The following C11orf97 variants were observed in gnomAD, a reference collection of about 807,000 sequenced individuals.
C11orf97 encodes chromosome 11 open reading frame 97, also known as uncharacterized protein C11orf97.
A neutral mutation model predicts 16.2 loss-of-function variants in C11orf97; 15 were observed. That is an observed-to-expected ratio of 0.93 (90% CI 0.62 to 1.43). The LOEUF (loss-of-function observed/expected upper bound fraction) is 1.43, where lower values mean the gene tolerates loss of function less well. Among genes scored for constraint, C11orf97 ranks in the 40% most tolerant of loss-of-function variants. The pLI is 0.00. For synonymous variants in C11orf97, 61 were observed against 65.7 expected, an observed-to-expected ratio of 0.93 and a Z score of 0.34; for missense variants, 171 against 161.2, an observed-to-expected ratio of 1.06 and a Z score of -0.33.
chr11:94,521,951 G>C (rs1947660894), intron 2 of C11orf97, among the ~76,000 whole-genome samples: 2 of 152,104 alleles, frequency 1.3e-5, no homozygotes, highest in South Asian at 4.1e-4. Flanking sequence ...CTTCAACCTT[G>C]TTCCTTTCTC....
At chr11:94,517,053 A>G (rs1947616392) in intron 1 of C11orf97, among the ~76,000 whole-genome samples, 2 of 152,256 alleles carry the variant, frequency 1.3e-5, no homozygotes, top group African/African-American at 4.8e-5. Flanking sequence ...CATGTCCTAT[A>G]GGTCCAGATT....
intron 1 of C11orf97, among the ~76,000 whole-genome samples, chr11:94,515,852 G>T (rs1042473377): frequency 6.6e-6 from 1 of 152,024 alleles, no homozygotes; most frequent in African/African-American, 2.4e-5. Flanking sequence ...GATTTCTTCT[G>T]TGCATTTTCC....
At chr11:94,521,604 C>T (rs1262627505) in intron 2 of C11orf97, among the ~76,000 whole-genome samples, 1 of 152,172 alleles carries the variant, frequency 6.6e-6, no homozygotes, top group Non-Finnish European at 1.5e-5. Context: ...TCTTTACATA[C>T]TTCTTTATTG....
intron 3 of C11orf97, among the ~76,000 whole-genome samples, 191 bp from the exon 4 acceptor site, chr11:94,531,705 A>G (rs1947740493): frequency 6.6e-6 from 1 of 152,024 alleles, no homozygotes; most frequent in South Asian, 2.1e-4. Flanking sequence ...TCCGGAAACT[A>G]TGCTTCAGTC....
chr11:94,518,149 G>GAAAAAAAA (rs370762855), intron 2 of C11orf97, among the ~76,000 whole-genome samples: 3 of 108,948 alleles, frequency 2.8e-5, no homozygotes, highest in African/African-American at 7.2e-5. Context: ...CTCCATATCA[G>GAAAAAAAA]AAAAAAAAAA....
intron 1 of C11orf97, among the ~76,000 whole-genome samples, chr11:94,517,245 A>G (rs547207): frequency 0.58 from 88,146 of 152,046 alleles, 25,866 homozygotes; most frequent in African/African-American, 0.63. Flanking sequence ...CCAAATGCCT[A>G]TCACAGAGTA....
chr11:94,512,657 A>G lies in C11orf97; in HGVS notation c.129A>G (p.Leu43=). Residue 43 remains leucine, a synonymous_variant, in exon 1 of 4, where the codon CTA becomes CTG. Coordinates refer to ENST00000542198, the MANE Select transcript of C11orf97 (RefSeq NM_001190462.2). ...GARGEPGRGP[L]EHGQQWKKFL... is the part of the protein sequence containing the mutation. ...GCGGGGAACCCGGCCGCGGCCCCCTAGAGCACGGCCAGCAGTGTGAGTTCA... is the reference window on the plus strand; with the variant it reads ...GCGGGGAACCCGGCCGCGGCCCCCTGGAGCACGGCCAGCAGTGTGAGTTCA... 1.6e-6 allele frequency: 2 copies of G among 1,246,380 alleles called. No homozygotes were observed. The highest frequency in any genetic ancestry group is 3.3e-5 in the South Asian group (1 of 30,282). The allele number at this position is 1,246,380 out of a possible 1,614,324, so 77.2% of individuals were successfully genotyped here. A position where few individuals can be genotyped will look rare whatever the true frequency, so the allele number is the denominator to read the frequency against.
In C11orf97 at chr11:94,531,955, C is replaced by A; in HGVS notation, c.*55C>A. The A allele has an allele frequency of 1.5e-6, 2 of 1,377,916 alleles. No homozygotes were observed. The highest frequency in any genetic ancestry group is 1.9e-6 in the Non-Finnish European group (2 of 1,049,282). The allele number at this position is 1,377,916 out of a possible 1,614,324, so 85.4% of individuals were successfully genotyped here. ...CCTCTTTCTGCTGATGTCTGAAGAA[C>A]GGAGAAGAAACTCAAGCTTGTTTCA... On this transcript the variant is annotated 3_prime_UTR_variant, in exon 4 of 4. Transcript: ENST00000542198.
chr11:94,522,265 G>C (rs568312352), intron 2 of C11orf97, among the ~76,000 whole-genome samples: 2 of 152,304 alleles, frequency 1.3e-5, no homozygotes, highest in African/African-American at 4.8e-5. Context: ...GCTGGGCATG[G>C]TGGCTCACGC....
intron 2 of C11orf97, among the ~76,000 whole-genome samples, chr11:94,525,080 AAAAG>A (rs1193575237): frequency 6.6e-6 from 1 of 151,986 alleles, no homozygotes; most frequent in Non-Finnish European, 1.5e-5. Flanking sequence ...AAAAAAAAAA[AAAAG>A]AAAGAAAAGA....
At chr11:94,530,082 A>G (rs1266619815) in intron 3 of C11orf97, among the ~76,000 whole-genome samples, 2 of 152,362 alleles carry the variant, frequency 1.3e-5, no homozygotes, top group Admixed American at 1.3e-4. Flanking sequence ...CCAATAAATT[A>G]TCCAATTTAT....
At chr11:94,519,977 G>A (rs1341507625) in intron 2 of C11orf97, among the ~76,000 whole-genome samples, 3 of 152,158 alleles carry the variant, frequency 2.0e-5, no homozygotes, top group African/African-American at 7.2e-5. Context: ...TTCTTTTCCT[G>A]GAAGACACAG....
At chr11:94,527,733 G>A (rs1170602773) in intron 2 of C11orf97, among the ~76,000 whole-genome samples, 1 of 152,128 alleles carries the variant, frequency 6.6e-6, no homozygotes, top group South Asian at 2.1e-4. Context: ...TTCTCTTACT[G>A]TAGGAATTAA....
At position 94,514,898 on chromosome 11, in the gene C11orf97, G is replaced by T. The variant is rs533724373; in HGVS notation, c.145+2225G>T. 3.9e-5 allele frequency among the ~76,000 whole-genome samples: 6 copies of T among 151,992 alleles called. No homozygotes were observed. The South Asian group carries it at 1.2e-3, about 31-fold the overall frequency. On this transcript the variant is annotated intron_variant, in intron 1 of 3. Transcript: ENST00000542198. ...GACCTCAAGTAATCTGCCCACCTCA[G>T]CCTCCCAAAATGTTGGGATTACAGG...
At position 94,528,186 on chromosome 11, in the gene C11orf97, A is replaced by C; in HGVS notation, c.353A>C (p.Tyr118Ser). 1 of 1,535,438 alleles carries C rather than the reference A, an allele frequency of 6.5e-7. No homozygotes were observed. The highest frequency in any genetic ancestry group is 8.7e-7 in the Non-Finnish European group (1 of 1,146,680). Reference sequence around the variant, plus strand: ...AGTTTATTGCCACAAGCCAAGTACTACTCCAGGCACGGAGGACTCAGAAGT... The same window carrying C: ...AGTTTATTGCCACAAGCCAAGTACTCCTCCAGGCACGGAGGACTCAGAAGT... ...RNSLLPQAKY[Y>S]SRHGGLRR Residue 118 changes from tyrosine to serine, a missense_variant, in exon 3 of 4, where the codon TAC becomes TCC. Transcript: ENST00000542198.
intron 1 of C11orf97, among the ~76,000 whole-genome samples, chr11:94,515,063 AGTGT>A (rs761539795): frequency 3.3e-5 from 5 of 152,136 alleles, no homozygotes; most frequent in Non-Finnish European, 7.4e-5. Context: ...TGATTAGTAG[AGTGT>A]GGTGGATCTA....
intron 2 of C11orf97, among the ~76,000 whole-genome samples, chr11:94,519,468 C>T (rs1947639569): frequency 6.6e-6 from 1 of 151,992 alleles, no homozygotes; most frequent in African/African-American, 2.4e-5. Flanking sequence ...CTGGATTTAT[C>T]TTCATTGTTT....
intron 2 of C11orf97, among the ~76,000 whole-genome samples, chr11:94,519,725 C>T (rs975883743): frequency 3.9e-5 from 6 of 152,190 alleles, no homozygotes; most frequent in South Asian, 2.1e-4. Context: ...TCTTTCAATG[C>T]GGAGAATAGA....
At chr11:94,531,852 C>T in intron 3 of C11orf97, 44 bp from the exon 4 acceptor site, 1 of 1,385,312 alleles carries the variant, frequency 7.2e-7, no homozygotes, top group Non-Finnish European at 9.5e-7. Context: ...GAGCATCTCC[C>T]CGAAGTAAAA....
Sources: allele counts gnomAD v4.1 joint callset (sites outside exome capture counted in the v4.1 genomes callset), GRCh38; gene constraint gnomAD v4.1.1; transcripts MANE v1.5; gene names NCBI Gene and HGNC (gene_info 2026-07-23, HGNC 2026-07-21).